Variants in TLL2 observed in about 807,000 individuals in gnomAD.
TLL2 encodes the protein tolloid like 2, also known as tolloid-like protein 2.
Under a neutral mutation model 123.0 loss-of-function variants are expected in TLL2, and 106 were observed. The ratio of observed to expected loss-of-function variants is 0.86; its 90% confidence interval spans 0.74 to 1.01. The LOEUF (loss-of-function observed/expected upper bound fraction) is 1.01, where lower values mean the gene tolerates loss of function less well. Among genes scored for constraint, TLL2 ranks in the 50% least tolerant of loss-of-function variants. The pLI, the probability that TLL2 is intolerant of heterozygous loss-of-function variation, is 0.00. For missense variants in TLL2, 1,332 were observed against 1,336.7 expected, an observed-to-expected ratio of 1.00 and a Z score of 0.06; for synonymous variants, 494 against 516.8, an observed-to-expected ratio of 0.96 and a Z score of 0.60.
At position 96,432,957 on chromosome 10, in the gene TLL2, G is replaced by A. The variant is rs149541065; in HGVS notation, c.370C>T (p.Arg124Trp). Reference sequence around the variant, plus strand: ...CTGTGCAGGAGTGTGGTATTCTCCCGGCCATCTGCAACACAGTCAGGTTAA... The same window carrying A: ...CTGTGCAGGAGTGTGGTATTCTCCCAGCCATCTGCAACACAGTCAGGTTAA... Reference protein sequence around the residue: ...TGTKEAGKDGRENTTLLHSPG... With the variant: ...TGTKEAGKDGWENTTLLHSPG... The change falls in exon 4 of 21, where the codon CGG (arginine) becomes TGG (tryptophan). Residue 124 changes from arginine to tryptophan, a missense_variant. Physicochemically the swap from Arg to Trp is moderately radical, Grantham distance 101 (BLOSUM62 -3). Transcript: ENST00000357947. 5.0e-5 allele frequency: 80 copies of A among 1,612,854 alleles called. No homozygotes were observed. The highest frequency in any genetic ancestry group is 5.9e-5 in the Non-Finnish European group (70 of 1,179,382).
At chr10:96,501,752 G>A (rs1847535513) in intron 1 of TLL2, among the ~76,000 whole-genome samples, 1 of 152,188 alleles carries the variant, frequency 6.6e-6, no homozygotes, top group Non-Finnish European at 1.5e-5. Flanking sequence ...CCGCCTCAGA[G>A]CTTACCAACT....
At chr10:96,380,524 A>G (rs1440585917) in intron 16 of TLL2, among the ~76,000 whole-genome samples, 1 of 151,844 alleles carries the variant, frequency 6.6e-6, no homozygotes, top group Non-Finnish European at 1.5e-5. Context: ...TAAAAATACA[A>G]AAAATAATAA....
At chr10:96,409,893 A>G (rs1185568368) in intron 9 of TLL2, among the ~76,000 whole-genome samples, 3 of 152,204 alleles carry the variant, frequency 2.0e-5, no homozygotes, top group Non-Finnish European at 4.4e-5. Context: ...GGGGCAGCCA[A>G]GGAGTGGCTG....
chr10:96,445,261 T>C (rs1001907640), intron 3 of TLL2, among the ~76,000 whole-genome samples: 9 of 152,240 alleles, frequency 5.9e-5, no homozygotes, highest in African/African-American at 1.9e-4. Context: ...CTGTGAATCA[T>C]GATTCCTGCA....
At chr10:96,476,631 T>A (rs1366384051) in intron 2 of TLL2, among the ~76,000 whole-genome samples, 1 of 128,892 alleles carries the variant, frequency 7.8e-6, no homozygotes, top group Non-Finnish European at 1.7e-5. Flanking sequence ...ACATTGCTTC[T>A]AAGAGGAAAA....
chr10:96,468,982 T>C (rs1402809630), intron 2 of TLL2, among the ~76,000 whole-genome samples: 3 of 152,258 alleles, frequency 2.0e-5, no homozygotes, highest in African/African-American at 2.4e-5. Context: ...AAAGAGCAGA[T>C]GTGCACGTTA....
intron 18 of TLL2, 32 bp downstream of exon 18, chr10:96,376,660 C>A: frequency 1.9e-6 from 3 of 1,607,224 alleles, no homozygotes; most frequent in Non-Finnish European, 2.5e-6. Flanking sequence ...TACTCAAGTC[C>A]ACATTCTCAA....
chr10:96,505,018 AAAATAAATAAATAAAT>A (rs149562540), intron 1 of TLL2, among the ~76,000 whole-genome samples: 18,261 of 151,688 alleles, frequency 0.12, 1,145 homozygotes, highest in African/African-American at 0.14. Flanking sequence ...AAAAAAATAA[AAAATAAATAAATAAAT>A]AAATAAATAA....
chr10:96,382,178 C>T (rs537566855), intron 16 of TLL2, among the ~76,000 whole-genome samples: 15 of 152,260 alleles, frequency 9.9e-5, no homozygotes, highest in South Asian at 6.2e-4. Context: ...ACTACACATG[C>T]GCCAGCGCGC....
In TLL2 at chr10:96,421,023, C is replaced by T. The variant is rs1284746653; in HGVS notation, c.856G>A (p.Val286Met). The T allele has an allele frequency of 6.8e-6, 11 of 1,614,096 alleles. No homozygotes were observed. Among genetic ancestry groups the T allele is most frequent in the East Asian group, 4.5e-5 (2 of 44,878 alleles). Residue 286 changes from valine to methionine, a missense_variant, in exon 7 of 21, where the codon GTG becomes ATG. Physicochemically the swap from Val to Met is conservative, Grantham distance 21 (BLOSUM62 1). Transcript: ENST00000357947. ...YNFLKMEAGE[V>M]SSLGETYDFD... ...TCGTATGTCTCTCCCAGAGAGCTCACTTCCCCAGCTTCCATTTTTAAGAAA... is the reference window on the plus strand; with the variant it reads ...TCGTATGTCTCTCCCAGAGAGCTCATTTCCCCAGCTTCCATTTTTAAGAAA...
intron 5 of TLL2, among the ~76,000 whole-genome samples, chr10:96,424,954 C>A (rs1846665257): frequency 6.7e-6 from 1 of 149,600 alleles, no homozygotes; most frequent in Non-Finnish European, 1.5e-5. Flanking sequence ...ATACTTACAT[C>A]TTTGATCTAG....
intron 7 of TLL2, among the ~76,000 whole-genome samples, chr10:96,419,422 A>G (rs1248557838): frequency 6.6e-6 from 1 of 152,180 alleles, no homozygotes; most frequent in Admixed American, 6.5e-5. Flanking sequence ...CCTCAAAGGC[A>G]AGGGGTCACA....
In TLL2 at chr10:96,386,174, T is replaced by C. The variant is rs1310960676; in HGVS notation, c.1894A>G (p.Thr632Ala). The C allele has an allele frequency of 6.2e-7, 1 of 1,609,992 alleles. No individual in the cohort carries two copies. The highest frequency in any genetic ancestry group is 2.2e-5 in the East Asian group (1 of 44,556). Reference sequence around the variant, plus strand: ...TACTCCTTCGGCCACCCAGGGCTGGTGATGGTTCCATTCAGCTTGGTAATG... The same window carrying C: ...TACTCCTTCGGCCACCCAGGGCTGGCGATGGTTCCATTCAGCTTGGTAATG... ...GFITKLNGTI[T>A]SPGWPKEYPT... The change falls in exon 15 of 21, where the codon ACC becomes GCC. Residue 632 changes from threonine (T) to alanine (A), a missense_variant. Transcript: ENST00000357947.
At chr10:96,444,841 AT>A (rs1199347209) in intron 3 of TLL2, among the ~76,000 whole-genome samples, 1 of 152,238 alleles carries the variant, frequency 6.6e-6, no homozygotes, top group Admixed American at 6.5e-5. Flanking sequence ...ATAAATAATG[AT>A]TTCTATTTCA....
chr10:96,454,011 GCACA>G (rs138026221), intron 2 of TLL2, among the ~76,000 whole-genome samples: 258 of 150,036 alleles, frequency 1.7e-3, no homozygotes, highest in African/African-American at 5.1e-3. Context: ...GTGTGCGCCT[GCACA>G]CACACACACA....
intron 18 of TLL2, among the ~76,000 whole-genome samples, chr10:96,376,434 T>C (rs749970288): frequency 6.6e-6 from 1 of 152,244 alleles, no homozygotes; most frequent in Non-Finnish European, 1.5e-5. Context: ...ATGTGGGTGG[T>C]GGATGCCGCC....
intron 1 of TLL2, among the ~76,000 whole-genome samples, chr10:96,497,377 T>C (rs989485673): frequency 6.6e-6 from 1 of 152,206 alleles, no homozygotes; most frequent in African/African-American, 2.4e-5. Context: ...AGGCCTGAAC[T>C]ACGACTAACG....
intron 1 of TLL2, among the ~76,000 whole-genome samples, chr10:96,481,370 T>C (rs945952039): frequency 5.7e-4 from 87 of 152,294 alleles, no homozygotes; most frequent in African/African-American, 2.0e-3. Flanking sequence ...TCTCAAATAA[T>C]TCTCCTGCCT....
intron 1 of TLL2, among the ~76,000 whole-genome samples, chr10:96,484,937 G>A (rs535756568): frequency 6.6e-6 from 1 of 152,148 alleles, no homozygotes; most frequent in South Asian, 2.1e-4. Flanking sequence ...ATCCATCCAC[G>A]CTGTCCATAT....
Sources: gnomAD v4.1 joint callset for allele counts (sites outside exome capture counted in the v4.1 genomes callset) on GRCh38, gnomAD v4.1.1 for gene constraint, MANE v1.5 for transcripts, NCBI Gene and HGNC (gene_info 2026-07-23, HGNC 2026-07-21) for gene names.